The following ZBTB11 variants were observed in gnomAD, a reference collection of about 807,000 sequenced individuals.
The protein encoded by ZBTB11 is zinc finger and BTB domain-containing protein 11.
In ZBTB11, 68 loss-of-function variants were observed where a neutral mutation model predicts 113.1. That is an observed-to-expected ratio of 0.60 (90% CI 0.49 to 0.74). The LOEUF (loss-of-function observed/expected upper bound fraction) is 0.74. Among genes scored for constraint, ZBTB11 ranks in the 30% least tolerant of loss-of-function variants. The pLI is 0.00. For synonymous variants in ZBTB11, 518 were observed against 452.6 expected, an observed-to-expected ratio of 1.14 and a Z score of -1.83; for missense variants, 1,104 against 1,279.4, an observed-to-expected ratio of 0.86 and a Z score of 2.09.
chr3:101,652,539 G>A lies in ZBTB11; in HGVS notation c.2601C>T (p.Phe867=). The A allele has an allele frequency of 6.2e-7, 1 of 1,614,178 alleles. No individual in the cohort carries two copies. Among genetic ancestry groups the A allele is most frequent in the East Asian group, 2.2e-5 (1 of 44,874 alleles). The stretch of plus-strand genomic sequence containing the variant: ...GTCTCCTATACTCTCTTAGCTGAGT[G>A]AATTTTCTTCCACATTTTTCACACA... The part of the protein sequence containing the change: ...ERVCEKCGRK[F]TQLREYRRHM... Residue 867 remains phenylalanine (F), a synonymous_variant, in exon 10 of 11, where the codon TTC becomes TTT. Coordinates refer to ENST00000312938, the MANE Select transcript of ZBTB11 (RefSeq NM_014415.4).
intron 1 of ZBTB11, among the ~76,000 whole-genome samples, chr3:101,674,034 G>A (rs112397918): frequency 2.2e-4 from 31 of 139,734 alleles, no homozygotes; most frequent in African/African-American, 7.2e-4. Context: ...CACAGAGACT[G>A]TTTTTTTTTT....
chr3:101,667,095 C>G (rs1275745034), intron 3 of ZBTB11, among the ~76,000 whole-genome samples: 2 of 152,172 alleles, frequency 1.3e-5, no homozygotes, highest in Admixed American at 6.5e-5. Context: ...GCTCTGTCAT[C>G]CAGGCTGAAG....
At chr3:101,669,454 TA>T (rs1232876574) in intron 3 of ZBTB11, among the ~76,000 whole-genome samples, 2 of 152,248 alleles carry the variant, frequency 1.3e-5, no homozygotes, top group Non-Finnish European at 2.9e-5. Context: ...AATGATGTAT[TA>T]TGTTGGAATA....
chr3:101,651,213 T>A lies in ZBTB11; in HGVS notation c.3115A>T (p.Ile1039Phe). The A allele has an allele frequency of 6.2e-7, 1 of 1,610,088 alleles. No individual in the cohort carries two copies. The highest frequency in any genetic ancestry group is 8.5e-7 in the Non-Finnish European group (1 of 1,178,706). The change falls in exon 11 of 11, where the codon ATT becomes TTT. Residue 1039 changes from isoleucine (I) to phenylalanine (F), a missense_variant. Physicochemically the swap from Ile to Phe is conservative, Grantham distance 21. Transcript: ENST00000312938. ...GQKLSEVAEA[I>F]QTVKVEVAHI... ...GCTACCTCTACTTTAACAGTTTGAA[T>A]AGCTTCTGCAACTTCAGATAGCTTC...
In ZBTB11 at chr3:101,659,905, A is replaced by G. The variant is rs753845869; in HGVS notation, c.1924T>C (p.Ser642Pro). 5.0e-6 allele frequency: 8 copies of G among 1,614,186 alleles called. No homozygotes were observed. The highest frequency in any genetic ancestry group is 6.8e-6 in the Non-Finnish European group (8 of 1,180,030). The change falls in exon 6 of 11, where the codon TCT becomes CCT. Residue 642 changes from serine (S) to proline (P), a missense_variant. Around this residue, in one of 5 missense-constraint regions of ZBTB11, gnomAD observed 535 missense variants for 518.6 expected, o/e 1.03. Transcript: ENST00000312938. ...TCCCGCTTGGTTCTGCCCTTCTCAG[A>G]TGATGTTCCCGATGCTTCATTAGAC... ...STSNEASGTS[S>P]EKGRTKREFI...
At chr3:101,655,381 G>A (rs1204551085) in intron 7 of ZBTB11, among the ~76,000 whole-genome samples, 11 of 152,152 alleles carry the variant, frequency 7.2e-5, no homozygotes, top group Admixed American at 7.2e-4. Flanking sequence ...TAGTACTAGA[G>A]TTGAATACAA....
At chr3:101,670,195 G>A (rs1174473737) in intron 3 of ZBTB11, among the ~76,000 whole-genome samples, 2 of 152,060 alleles carry the variant, frequency 1.3e-5, no homozygotes, top group Non-Finnish European at 2.9e-5. Flanking sequence ...GAAGAGGTAG[G>A]ACTAAAAACA....
At position 101,649,512 on chromosome 3, in the gene ZBTB11, T is replaced by C. The variant is rs1282033928; in HGVS notation, c.*1654A>G. 6.6e-6 allele frequency: 1 copy of C among 152,168 alleles called. No homozygotes were observed. Among genetic ancestry groups the C allele is most frequent in the East Asian group, 1.9e-4 (1 of 5,202 alleles). 9.4% of individuals were successfully genotyped at this position (152,168 alleles called of 1,614,324 possible). A position where few individuals can be genotyped will look rare whatever the true frequency, so the allele number is the denominator to read the frequency against. On this transcript the variant is annotated 3_prime_UTR_variant, in exon 11 of 11. Transcript: ENST00000312938. ...CATACATTAATGGTCATACACAATT[T>C]TTAAACTAAATCTAGTAACAACAGA...
intron 8 of ZBTB11, among the ~76,000 whole-genome samples, chr3:101,654,435 C>G (rs1249308470): frequency 6.6e-6 from 1 of 152,132 alleles, no homozygotes; most frequent in Non-Finnish European, 1.5e-5. Context: ...GGGAAAGAAA[C>G]TGGCTGGCAG....
At position 101,671,380 on chromosome 3, in the gene ZBTB11, G is replaced by A. The variant is rs1269818142; in HGVS notation, c.547-19C>T. ...TGTCAACCTGTCAAAATAAGTTTGA[G>A]AGCAAGAGTAACATATTACCTGTAT... is the stretch of plus-strand genomic sequence containing the variant. On this transcript the variant is annotated intron_variant, in intron 2 of 10. Transcript: ENST00000312938. 2 of 1,591,122 alleles carry A rather than the reference G, an allele frequency of 1.3e-6. No individual in the cohort carries two copies. The highest frequency in any genetic ancestry group is 1.3e-5 in the African/African-American group (1 of 74,432).
In ZBTB11 at chr3:101,672,005, C is replaced by T; in HGVS notation, c.519G>A (p.Lys173=). ...PTTASKPAKK[K]PVSKHELVFV... is the part of the protein sequence containing the mutation. ...ACACAAGTTCATGTTTGGATACTGG[C>T]TTCTTTTTTGCAGGCTTGGATGCTG... The change falls in exon 2 of 11, where the codon AAG becomes AAA. Residue 173 remains lysine (K), a synonymous_variant. Transcript: ENST00000312938. 6.2e-7 allele frequency: 1 copy of T among 1,614,072 alleles called. No homozygotes were observed. Among genetic ancestry groups the T allele is most frequent in the Non-Finnish European group, 8.5e-7 (1 of 1,179,972 alleles).
At chr3:101,667,371 A>G (rs1218743998) in intron 3 of ZBTB11, among the ~76,000 whole-genome samples, 1 of 152,218 alleles carries the variant, frequency 6.6e-6, no homozygotes, top group Non-Finnish European at 1.5e-5. Flanking sequence ...GCCTTCTCAC[A>G]CTAGGTGTCA....
intron 3 of ZBTB11, among the ~76,000 whole-genome samples, chr3:101,667,216 T>C (rs1183311027): frequency 3.3e-5 from 5 of 152,188 alleles, no homozygotes; most frequent in African/African-American, 1.2e-4. Context: ...TATTTTTATA[T>C]TTTGAAGAGA....
intron 5 of ZBTB11, among the ~76,000 whole-genome samples, chr3:101,662,991 G>A (rs564258273): frequency 6.6e-6 from 1 of 150,652 alleles, no homozygotes; most frequent in Non-Finnish European, 1.5e-5. Context: ...CCAGGCTGGA[G>A]TGCAGTGGCA....
chr3:101,676,772 TAC>T lies in ZBTB11; in HGVS notation c.141_142del (p.Tyr48LeufsTer66), dbSNP rs1367548206. On this transcript the variant is annotated frameshift_variant, in exon 1 of 11. Transcript: ENST00000312938. LOFTEE classifies it high-confidence loss of function. ...GCGGTGCCGCTGCCGCCGCTGGTAA[TAC>T]AGAGTCCCGCCGCGCACCACGTAGC... 2.5e-6 allele frequency: 4 copies of T among 1,610,766 alleles called. No homozygotes were observed. Among genetic ancestry groups the T allele is most frequent in the South Asian group, 1.1e-5 (1 of 90,706 alleles).
At chr3:101,653,851 T>C (rs1936747617) in intron 8 of ZBTB11, among the ~76,000 whole-genome samples, 1 of 152,144 alleles carries the variant, frequency 6.6e-6, no homozygotes, top group South Asian at 2.1e-4. Flanking sequence ...GATGTACCCC[T>C]GAACCTAAAA....
At chr3:101,670,930 T>C (rs1006113033) in intron 3 of ZBTB11, 200 bp downstream of exon 3, 2 of 545,142 alleles carry the variant, frequency 3.7e-6, no homozygotes, top group Non-Finnish European at 6.6e-6. Context: ...ACTTAAGACG[T>C]AGTGAAAGGA....
chr3:101,656,886 C>A (rs1258628445), intron 6 of ZBTB11, among the ~76,000 whole-genome samples: 3 of 151,830 alleles, frequency 2.0e-5, no homozygotes, highest in Non-Finnish European at 4.4e-5. Context: ...GTAATCCCAG[C>A]ACTTTGGGAG....
rs368255825 is a variant in ZBTB11, at chr3:101,651,451, A to T, written c.2877T>A (p.Thr959=). ...AGATGCTAACAGCATGTGCCACTTG[A>T]GTTCCTTGGTTATGAAACTGAAGGG... ...KDTLQFHNQG[T]QVAHAVSILT... Residue 959 remains threonine (T), a synonymous_variant, in exon 11 of 11, where the codon ACT becomes ACA. Transcript: ENST00000312938. 1.3e-5 allele frequency: 21 copies of T among 1,614,128 alleles called. No homozygotes were observed. The African/African-American group carries it at 2.7e-4, about 20-fold the overall frequency.
Sources: gnomAD v4.1 joint callset for allele counts (sites outside exome capture counted in the v4.1 genomes callset) on GRCh38, gnomAD v4.1.1 for gene constraint, gnomAD v4.1.1 regional missense constraint, MANE v1.5 for transcripts, NCBI Gene and HGNC (gene_info 2026-07-23, HGNC 2026-07-21) for gene names.